CYTH1: variants seen among roughly 807,000 people sequenced by gnomAD.
CYTH1 encodes the protein cytohesin 1.
A neutral mutation model predicts 61.8 loss-of-function variants in CYTH1; 18 were observed. The observed-to-expected ratio is 0.29, with a 90% CI of 0.20 to 0.43. CYTH1 has a LOEUF of 0.43. CYTH1 is among the 20% of genes least tolerant of loss of function. The pLI, the probability that CYTH1 is intolerant of heterozygous loss-of-function variation, is 1.00. For synonymous variants in CYTH1, 174 were observed against 184.3 expected (o/e 0.94, Z 0.45); for missense variants, 336 against 510.5 (o/e 0.66, Z 3.29).
chr17:78,684,707 A>C (rs549959184), intron 11 of CYTH1, among the ~76,000 whole-genome samples: 7 of 152,222 alleles, frequency 4.6e-5, no homozygotes, highest in African/African-American at 7.2e-5. Flanking sequence ...AGATGGAGAA[A>C]AACAGGTTTT....
At chr17:78,714,672 G>A (rs1233299364) in intron 1 of CYTH1, among the ~76,000 whole-genome samples, 3 of 152,206 alleles carry the variant, frequency 2.0e-5, no homozygotes, top group South Asian at 2.1e-4. Context: ...CCCCAAGCAG[G>A]CTCTGGCTCA....
intron 10 of CYTH1, among the ~76,000 whole-genome samples, chr17:78,693,585 C>T (rs8070639): frequency 0.016 from 2,365 of 150,038 alleles, 72 homozygotes; most frequent in African/African-American, 0.056. Context: ...TGCACCACTG[C>T]ACTCCCGCCT....
At chr17:78,722,439 C>G (rs1416556269) in intron 1 of CYTH1, among the ~76,000 whole-genome samples, 1 of 152,158 alleles carries the variant, frequency 6.6e-6, no homozygotes, top group Middle Eastern at 3.2e-3. Flanking sequence ...CCAGGGAAAG[C>G]CTGGAGTTCC....
intron 10 of CYTH1, among the ~76,000 whole-genome samples, chr17:78,693,323 A>T (rs967854757): frequency 6.6e-6 from 1 of 152,126 alleles, no homozygotes; most frequent in Non-Finnish European, 1.5e-5. Context: ...ATTTCTCAGC[A>T]CAAAACACTG....
intron 1 of CYTH1, among the ~76,000 whole-genome samples, chr17:78,729,464 G>A (rs2093282211): frequency 6.6e-6 from 1 of 152,176 alleles, no homozygotes; most frequent in African/African-American, 2.4e-5. Flanking sequence ...CCATTAGTCT[G>A]GCAGGAATCA....
chr17:78,687,320 A>C (rs192317577), intron 11 of CYTH1, among the ~76,000 whole-genome samples: 1 of 152,176 alleles, frequency 6.6e-6, no homozygotes, highest in Non-Finnish European at 1.5e-5. Context: ...TGCTTCACAA[A>C]GACAGGATGT....
chr17:78,718,825 A>G (rs1208796934), intron 1 of CYTH1, among the ~76,000 whole-genome samples: 1 of 152,224 alleles, frequency 6.6e-6, no homozygotes, highest in Non-Finnish European at 1.5e-5. Context: ...TGTGAGCACA[A>G]ATAGGTGCCC....
chr17:78,743,955 T>C (rs949773369), intron 1 of CYTH1, among the ~76,000 whole-genome samples: 5 of 152,172 alleles, frequency 3.3e-5, no homozygotes, highest in African/African-American at 1.2e-4. Flanking sequence ...TTATTTTTGC[T>C]TAGACTAGTT....
chr17:78,758,769 C>A (rs1263413984), intron 1 of CYTH1, among the ~76,000 whole-genome samples: 1 of 152,022 alleles, frequency 6.6e-6, no homozygotes, highest in African/African-American at 2.4e-5. Context: ...CCTTGGTGGT[C>A]CTTGGTTCCT....
At chr17:78,686,574 G>A (rs1008749230) in intron 11 of CYTH1, among the ~76,000 whole-genome samples, 8 of 152,202 alleles carry the variant, frequency 5.3e-5, no homozygotes, top group Non-Finnish European at 5.9e-5. Context: ...AGAGCTCATC[G>A]AAGATACTCC....
At chr17:78,686,006 C>T (rs192847837) in intron 11 of CYTH1, among the ~76,000 whole-genome samples, 22 of 152,332 alleles carry the variant, frequency 1.4e-4, no homozygotes, top group Non-Finnish European at 2.6e-4. Context: ...TCCTGAAATA[C>T]GGTGTCTTCT....
chr17:78,684,449 A>T (rs552597753), intron 11 of CYTH1, among the ~76,000 whole-genome samples: 44 of 152,232 alleles, frequency 2.9e-4, no homozygotes, highest in Non-Finnish European at 5.1e-4. Flanking sequence ...CTCAGTGATG[A>T]CTTGTGTGTG....
intron 1 of CYTH1, among the ~76,000 whole-genome samples, chr17:78,763,025 G>A (rs537850992): frequency 1.3e-5 from 2 of 152,274 alleles, no homozygotes; most frequent in South Asian, 2.1e-4. Context: ...CCGTCCGGCT[G>A]CTTTCTGGAT....
Position 78,676,133 on chromosome 17 carries a change from G to C in CYTH1, c.1155C>G (p.Leu385=). Residue 385 remains leucine (L), a synonymous_variant, in exon 14 of 14, where the codon CTC becomes CTG. Transcript: ENST00000446868. The stretch of plus-strand genomic sequence containing the variant: ...AGGAGACCTTCTTTTTCCGTGCTGC[G>C]AGCATTTCGTAGAAAGGGTCCCTGC... ...AISRDPFYEM[L]AARKKKVSST... is the part of the protein sequence containing the mutation. 1.2e-6 allele frequency: 2 copies of C among 1,611,186 alleles called. No homozygotes were observed. Among genetic ancestry groups the C allele is most frequent in the Non-Finnish European group, 1.7e-6 (2 of 1,178,908 alleles).
At chr17:78,752,294 T>C (rs1037373567) in intron 1 of CYTH1, among the ~76,000 whole-genome samples, 1 of 151,646 alleles carries the variant, frequency 6.6e-6, no homozygotes, top group African/African-American at 2.4e-5. Flanking sequence ...TGTAAAGGAG[T>C]TTTTTAATAA....
At chr17:78,685,784 G>A (rs760051336) in intron 11 of CYTH1, among the ~76,000 whole-genome samples, 6 of 152,136 alleles carry the variant, frequency 3.9e-5, no homozygotes, top group South Asian at 2.1e-4. Flanking sequence ...GGAGAGTGCG[G>A]CCAGCTGTGC....
At chr17:78,702,020 G>T (rs1203448161) in intron 5 of CYTH1, 102 bp downstream of exon 5, 1 of 1,032,550 alleles carries the variant, frequency 9.7e-7, no homozygotes, top group South Asian at 1.5e-5. Flanking sequence ...GATGCTTTAA[G>T]GCAAAAACCC....
chr17:78,689,851 T>C (rs933792302), intron 11 of CYTH1, among the ~76,000 whole-genome samples: 1 of 152,052 alleles, frequency 6.6e-6, no homozygotes, highest in South Asian at 2.1e-4. Flanking sequence ...CCTGTTCAGT[T>C]TGCCTCCTCC....
At chr17:78,760,928 C>T (rs925003286) in intron 1 of CYTH1, among the ~76,000 whole-genome samples, 9 of 152,072 alleles carry the variant, frequency 5.9e-5, no homozygotes, top group East Asian at 5.8e-4. Flanking sequence ...ACCCACCTCC[C>T]GGGTTCAAGT....
Sources: allele counts gnomAD v4.1 joint callset (sites outside exome capture counted in the v4.1 genomes callset), GRCh38; gene constraint gnomAD v4.1.1; transcripts MANE v1.5; gene names NCBI Gene and HGNC (gene_info 2026-07-23, HGNC 2026-07-21).